SAMD12: variants seen among roughly 807,000 people sequenced by gnomAD.
SAMD12 encodes the protein sterile alpha motif domain containing 12.
A neutral mutation model predicts 15.0 loss-of-function variants in SAMD12; 9 were observed. That is an observed-to-expected ratio of 0.60 (90% CI 0.36 to 1.05). The LOEUF (loss-of-function observed/expected upper bound fraction) is 1.05, where lower values mean the gene tolerates loss of function less well. SAMD12 is among the 50% of genes least tolerant of loss of function. The pLI is 0.01. For synonymous variants in SAMD12, 86 were observed against 90.1 expected (o/e 0.96, Z 0.25); for missense variants, 230 against 234.2 (o/e 0.98, Z 0.12).
At chr8:118,598,182 A>G (rs1210956628) in intron 1 of SAMD12, among the ~76,000 whole-genome samples, 2 of 152,238 alleles carry the variant, frequency 1.3e-5, no homozygotes, top group Non-Finnish European at 2.9e-5. Flanking sequence ...TCCGAGAATC[A>G]AAGAAGCCAC....
At chr8:118,480,216 AG>A (rs1307176303) in intron 2 of SAMD12, among the ~76,000 whole-genome samples, 1 of 152,216 alleles carries the variant, frequency 6.6e-6, no homozygotes, top group Non-Finnish European at 1.5e-5. Context: ...CCTAAGTGAA[AG>A]ATAGCAGTGG....
chr8:118,482,432 TGTGG>T (rs1309822243), intron 2 of SAMD12, among the ~76,000 whole-genome samples: 1 of 152,094 alleles, frequency 6.6e-6, no homozygotes, highest in African/African-American at 2.4e-5. Flanking sequence ...TTTCTACACC[TGTGG>T]GTTCAACCAA....
the SAMD12 span, among the ~76,000 whole-genome samples, chr8:118,183,668 C>CTAT: frequency 2.0e-5 from 3 of 152,042 alleles, no homozygotes; most frequent in Admixed American, 1.3e-4. Flanking sequence ...TAATATCTTA[C>CTAT]TATTATTATT....
chr8:118,504,775 C>G (rs1824878982), intron 2 of SAMD12, among the ~76,000 whole-genome samples: 1 of 152,126 alleles, frequency 6.6e-6, no homozygotes, highest in Admixed American at 6.5e-5. Flanking sequence ...GAAGACAGAG[C>G]AGAGACACAT....
intron 2 of SAMD12, among the ~76,000 whole-genome samples, chr8:118,568,497 C>G (rs1199553679): frequency 6.6e-6 from 1 of 152,124 alleles, no homozygotes; most frequent in Non-Finnish European, 1.5e-5. Flanking sequence ...CACACATTAA[C>G]AAGATCATTC....
Position 118,621,808 on chromosome 8 carries a change from C to T in SAMD12, c.9G>A (p.Val3=). 5 of 1,614,112 alleles carry T rather than the reference C, an allele frequency of 3.1e-6. No homozygotes were observed. The highest frequency in any genetic ancestry group is 4.2e-6 in the Non-Finnish European group (5 of 1,179,996). MA[V]EALHCGLNPR... ...AATGCCCCAAGCGTCCCTTACCTTC[C>T]ACAGCCATTCTCTCAGAGCTTCCCT... Residue 3 remains valine (V), a synonymous_variant, in exon 1 of 4, where the codon GTG becomes GTA. Transcript: ENST00000314727.
intron 4 of SAMD12, among the ~76,000 whole-genome samples, chr8:118,319,290 G>T (rs1332675620): frequency 6.6e-6 from 1 of 152,038 alleles, no homozygotes; most frequent in Non-Finnish European, 1.5e-5. Flanking sequence ...TCAAGAACAA[G>T]GGTCAGCTTA....
intron 3 of SAMD12, among the ~76,000 whole-genome samples, chr8:118,413,163 A>G (rs1409985485): frequency 6.6e-6 from 1 of 152,184 alleles, no homozygotes; most frequent in Non-Finnish European, 1.5e-5. Context: ...AGCCAAGACC[A>G]GAAGGTCCAC....
chr8:118,422,660 G>T (rs1043462034), intron 3 of SAMD12, among the ~76,000 whole-genome samples: 1 of 152,168 alleles, frequency 6.6e-6, no homozygotes, highest in African/African-American at 2.4e-5. Context: ...GTTTGGTTCA[G>T]TCCGGTTTAA....
At chr8:118,148,447 T>C in the SAMD12 span, among the ~76,000 whole-genome samples, 1 of 152,214 alleles carries the variant, frequency 6.6e-6, no homozygotes, top group Non-Finnish European at 1.5e-5. Context: ...CATTAACAAA[T>C]ATATATGTTA....
At chr8:118,251,260 A>G (rs1238216774) in intron 4 of SAMD12, among the ~76,000 whole-genome samples, 1 of 152,098 alleles carries the variant, frequency 6.6e-6, no homozygotes, top group South Asian at 2.1e-4. Flanking sequence ...ATTCAGGTGC[A>G]TTTTCTAGTA....
chr8:118,142,151 G>A, the SAMD12 span, among the ~76,000 whole-genome samples: 4 of 152,176 alleles, frequency 2.6e-5, no homozygotes, highest in African/African-American at 9.7e-5. Context: ...GAGGGAGGCT[G>A]TGCATCTCTC....
intron 4 of SAMD12, among the ~76,000 whole-genome samples, chr8:118,228,485 T>A (rs775870586): frequency 2.6e-5 from 4 of 151,996 alleles, no homozygotes; most frequent in Non-Finnish European, 4.4e-5. Context: ...AGGACATGAA[T>A]AGACAATTCT....
intron 4 of SAMD12, among the ~76,000 whole-genome samples, chr8:118,219,222 G>A (rs375215470): frequency 3.3e-5 from 5 of 152,084 alleles, no homozygotes; most frequent in South Asian, 4.1e-4. Flanking sequence ...TTATATACTC[G>A]AATTGCTTGC....
chr8:118,237,445 CT>C (rs1454442974), intron 4 of SAMD12, among the ~76,000 whole-genome samples: 1 of 152,112 alleles, frequency 6.6e-6, no homozygotes, highest in Non-Finnish European at 1.5e-5. Context: ...GCAACCCTTC[CT>C]GGGTTGTGGT....
chr8:118,612,104 G>A lies in SAMD12; in HGVS notation c.13+9700C>T, dbSNP rs371899835. Among the ~76,000 whole-genome samples the A allele has an allele frequency of 1.1e-4, 16 of 152,270 alleles. No individual in the cohort carries two copies. In the East Asian group the frequency reaches 2.5e-3, roughly 24 times the overall value. ...CAACTAACATTTTCTCAGGCTTCAC[G>A]AGATGGAGTCTATAACCAACCTTGG... is the stretch of plus-strand genomic sequence containing the variant. On this transcript the variant is annotated intron_variant, in intron 1 of 3. Transcript: ENST00000314727.
At chr8:118,510,778 T>A (rs773130878) in intron 2 of SAMD12, among the ~76,000 whole-genome samples, 4 of 152,240 alleles carry the variant, frequency 2.6e-5, no homozygotes, top group Non-Finnish European at 5.9e-5. Context: ...TACTATTTAT[T>A]AGTTAAACAA....
the SAMD12 span, among the ~76,000 whole-genome samples, chr8:118,132,823 T>C: frequency 6.6e-6 from 1 of 151,722 alleles, no homozygotes. Context: ...TTTACTTACA[T>C]ATGTTTTTAT....
chr8:118,145,494 T>C, the SAMD12 span, among the ~76,000 whole-genome samples: 88 of 152,336 alleles, frequency 5.8e-4, no homozygotes, highest in African/African-American at 2.1e-3. Context: ...CTGTGTGTTG[T>C]TCTGGGAGCT....
Sources: gnomAD v4.1 joint callset for allele counts (sites outside exome capture counted in the v4.1 genomes callset) on GRCh38, gnomAD v4.1.1 for gene constraint, MANE v1.5 for transcripts, NCBI Gene and HGNC (gene_info 2026-07-23, HGNC 2026-07-21) for gene names.